The following CDS1 variants were observed in gnomAD, a reference collection of about 807,000 sequenced individuals.
The protein encoded by CDS1 is CDP-diacylglycerol synthase 1, also known as phosphatidate cytidylyltransferase 1.
CDS1 carries 41 observed loss-of-function variants against 62.1 expected under a neutral mutation model. That is an observed-to-expected ratio of 0.66 (90% CI 0.51 to 0.86). CDS1 has a LOEUF of 0.86. Among genes scored for constraint, CDS1 ranks in the 40% least tolerant of loss-of-function variants. CDS1 has a pLI of 0.00. For synonymous variants in CDS1, 185 were observed against 192.6 expected (o/e 0.96, Z 0.32); for missense variants, 470 against 550.1 (o/e 0.85, Z 1.46).
At chr4:84,587,554 C>G (rs921336172) in intron 1 of CDS1, among the ~76,000 whole-genome samples, 2 of 152,074 alleles carry the variant, frequency 1.3e-5, no homozygotes, top group Non-Finnish European at 2.9e-5. Flanking sequence ...AGATTCAGGT[C>G]GGCAGGGAAG....
Position 84,619,546 on chromosome 4 carries a change from A to G in CDS1, c.580+13A>G, listed in dbSNP as rs1351696891. On this transcript the variant is annotated intron_variant, in intron 5 of 12. Coordinates refer to ENST00000295887, the MANE Select transcript of CDS1 (RefSeq NM_001263.4). The stretch of plus-strand genomic sequence containing the variant: ...CTCTATCTGGCAGGTAAGTTAAGGA[A>G]TATTCTGTATTGATATATAGTTAAC... The G allele has an allele frequency of 6.1e-6, 9 of 1,483,452 alleles. No homozygotes were observed. Among genetic ancestry groups the G allele is most frequent in the Non-Finnish European group, 8.3e-6 (9 of 1,083,978 alleles). The allele number at this position is 1,483,452 out of a possible 1,614,324, so 91.9% of individuals were successfully genotyped here. A position where few individuals can be genotyped will look rare whatever the true frequency, so the allele number is the denominator to read the frequency against.
intron 3 of CDS1, among the ~76,000 whole-genome samples, chr4:84,616,292 G>A (rs1723492061): frequency 6.6e-6 from 1 of 152,070 alleles, no homozygotes; most frequent in Admixed American, 6.5e-5. Context: ...ACTGTTTATG[G>A]TTTGACGTAC....
intron 11 of CDS1, 129 bp downstream of exon 11, chr4:84,643,272 A>G: frequency 1.3e-6 from 1 of 776,252 alleles, no homozygotes; most frequent in Non-Finnish European, 2.0e-6. Flanking sequence ...ATTTGTTTCG[A>G]CCCCACAGAA....
At chr4:84,636,095 TTTA>T (rs1724201750) in intron 8 of CDS1, among the ~76,000 whole-genome samples, 1 of 152,038 alleles carries the variant, frequency 6.6e-6, no homozygotes, top group African/African-American at 2.4e-5. Flanking sequence ...GCAGTTCTTC[TTTA>T]TCCTCCTTTC....
intron 5 of CDS1, among the ~76,000 whole-genome samples, chr4:84,624,286 ACAAAC>A (rs1723787205): frequency 6.9e-6 from 1 of 144,728 alleles, no homozygotes; most frequent in Non-Finnish European, 1.5e-5. Context: ...AAAAAAAAAA[ACAAAC>A]AAAAAAAAAA....
chr4:84,598,671 C>T (rs1167356349), intron 1 of CDS1, among the ~76,000 whole-genome samples: 1 of 152,092 alleles, frequency 6.6e-6, no homozygotes, highest in Non-Finnish European at 1.5e-5. Context: ...TGGGATCTTG[C>T]TATGTTGCCC....
intron 1 of CDS1, among the ~76,000 whole-genome samples, chr4:84,599,323 C>T (rs1342206229): frequency 6.7e-6 from 1 of 149,326 alleles, no homozygotes; most frequent in African/African-American, 2.5e-5. Context: ...AATTGCACTT[C>T]ATTGTATAAT....
rs149647384 is a variant in CDS1 at position 84,595,610 on chromosome 4, A to G, written c.118-8633A>G. On this transcript the variant is annotated intron_variant, in intron 1 of 12. Transcript: ENST00000295887. Reference sequence around the variant, plus strand: ...GGAACCCACAAATGTGAGGGGGCCAACCGTACTTGTTTCTCACTCTAAATG... The same window carrying G: ...GGAACCCACAAATGTGAGGGGGCCAGCCGTACTTGTTTCTCACTCTAAATG... 2.4e-3 allele frequency among the ~76,000 whole-genome samples: 373 copies of G among 152,318 alleles called. 1 individual carries two copies. The highest frequency in any genetic ancestry group is 8.4e-3 in the African/African-American group (349 of 41,584).
intron 1 of CDS1, among the ~76,000 whole-genome samples, chr4:84,603,188 G>A (rs1722989037): frequency 6.6e-6 from 1 of 152,184 alleles, no homozygotes; most frequent in Non-Finnish European, 1.5e-5. Flanking sequence ...GCTAATAAGG[G>A]CTGAGTTTGG....
chr4:84,595,710 TTAA>T lies in CDS1; in HGVS notation c.118-8529_118-8527del, dbSNP rs56696918. On this transcript the variant is annotated intron_variant, in intron 1 of 12. Transcript: ENST00000295887. ...GTGATGTACCTGTGAGAACCAATCA[TTAA>T]TAAGATCTCAGGTAAAAAACAAGTT... Among the ~76,000 whole-genome samples, 1,011 of 152,344 alleles carry T rather than the reference TTAA, an allele frequency of 6.6e-3. 11 individuals are homozygous for T. Among genetic ancestry groups the T allele is most frequent in the African/African-American group, 0.023 (968 of 41,584 alleles).
intron 1 of CDS1, among the ~76,000 whole-genome samples, chr4:84,590,178 G>C (rs72947541): frequency 6.6e-6 from 1 of 152,190 alleles, no homozygotes; most frequent in East Asian, 1.9e-4. Flanking sequence ...ACAATTTGGG[G>C]TTAGTAGATA....
At chr4:84,634,040 T>G in intron 7 of CDS1, 101 bp downstream of exon 7, 1 of 603,530 alleles carries the variant, frequency 1.7e-6, no homozygotes, top group African/African-American at 1.9e-5. Context: ...AAATGTACTG[T>G]TTGTTGTTCT....
chr4:84,623,634 A>AGG (rs1723759293), intron 5 of CDS1, among the ~76,000 whole-genome samples: 1 of 152,244 alleles, frequency 6.6e-6, no homozygotes, highest in South Asian at 2.1e-4. Flanking sequence ...CAGGGATACC[A>AGG]GGATGGAATA....
chr4:84,590,611 G>C (rs1422684561), intron 1 of CDS1, among the ~76,000 whole-genome samples: 1 of 152,142 alleles, frequency 6.6e-6, no homozygotes, highest in Non-Finnish European at 1.5e-5. Flanking sequence ...GCATAACATA[G>C]AATTTAAGGA....
intron 2 of CDS1, 137 bp from the exon 3 acceptor site, chr4:84,609,290 GTT>G: frequency 2.1e-6 from 1 of 484,162 alleles, no homozygotes; most frequent in South Asian, 4.2e-5. Flanking sequence ...TTTGTTTTTT[GTT>G]TTTGTTGTTT....
chr4:84,643,566 T>C (rs1252691668), intron 11 of CDS1, among the ~76,000 whole-genome samples: 1 of 152,216 alleles, frequency 6.6e-6, no homozygotes, highest in Non-Finnish European at 1.5e-5. Flanking sequence ...ACTCTTTCTG[T>C]AAAGGGCAAA....
At chr4:84,635,621 GCCTGCCTTCCTTCCTT>G (rs1724168644) in intron 8 of CDS1, among the ~76,000 whole-genome samples, 9 of 84,806 alleles carry the variant, frequency 1.1e-4, no homozygotes, top group African/African-American at 3.0e-4. Context: ...CTGCCTGCCT[GCCTGCCTTCCTTCCTT>G]CCTTCCTTCC....
chr4:84,643,751 A>G (rs1724467457), intron 11 of CDS1, among the ~76,000 whole-genome samples: 1 of 152,218 alleles, frequency 6.6e-6, no homozygotes, highest in Non-Finnish European at 1.5e-5. Flanking sequence ...GATCTGTGGG[A>G]CATACTTTTC....
At chr4:84,635,535 T>A (rs887894659) in intron 8 of CDS1, among the ~76,000 whole-genome samples, 184 bp downstream of exon 8, 3 of 151,578 alleles carry the variant, frequency 2.0e-5, no homozygotes, top group Admixed American at 6.6e-5. Flanking sequence ...CTTCATCAGC[T>A]CTTCTGTTGG....
Sources: gnomAD v4.1 joint callset for allele counts (sites outside exome capture counted in the v4.1 genomes callset) on GRCh38, gnomAD v4.1.1 for gene constraint, MANE v1.5 for transcripts, NCBI Gene and HGNC (gene_info 2026-07-23, HGNC 2026-07-21) for gene names.